Variants in RNF130 observed in about 807,000 individuals in gnomAD.
RNF130 encodes ring finger protein 130.
Under a neutral mutation model 44.6 loss-of-function variants are expected in RNF130, and 21 were observed. The observed-to-expected ratio is 0.47, with a 90% confidence interval of 0.33 to 0.68. RNF130 has a LOEUF of 0.68. Among genes scored for constraint, RNF130 ranks in the 30% least tolerant of loss-of-function variants. The pLI, the probability that RNF130 is intolerant of heterozygous loss-of-function variation, is 0.02. For synonymous variants in RNF130, 214 were observed against 210.4 expected, an observed-to-expected ratio of 1.02 and a Z score of -0.15; for missense variants, 479 against 560.6, an observed-to-expected ratio of 0.85 and a Z score of 1.47.
intron 7 of RNF130, chr5:179,939,767 A>G: frequency 2.4e-6 from 1 of 425,430 alleles, no homozygotes; most frequent in South Asian, 1.9e-5. Flanking sequence ...TCCCTTGGCG[A>G]CTCCTTTGAT....
rs549336123 is a variant in RNF130, at chr5:179,918,242, C to T, written c.*2075G>A. The T allele has an allele frequency of 2.6e-5, 4 of 152,242 alleles. 1 individual carries two copies. In the East Asian group the frequency reaches 5.8e-4, roughly 22 times the overall value. 9.4% of individuals were successfully genotyped at this position (152,242 alleles called of 1,614,324 possible). A position where few individuals can be genotyped will look rare whatever the true frequency, so the allele number is the denominator to read the frequency against. ...CTTGTTATTCTACCGTGAATGTGTG[C>T]CCCAGATTTCCCAGAAATTCAAATG... On this transcript the variant is annotated 3_prime_UTR_variant, in exon 8 of 8. Transcript: ENST00000522208.
At chr5:179,972,429 G>A (rs1034871094) in intron 5 of RNF130, among the ~76,000 whole-genome samples, 1 of 152,216 alleles carries the variant, frequency 6.6e-6, no homozygotes, top group African/African-American at 2.4e-5. Flanking sequence ...CAGGGTGGAC[G>A]ATGGGACTTG....
At chr5:179,998,034 G>GT (rs1055592749) in intron 3 of RNF130, among the ~76,000 whole-genome samples, 2 of 150,950 alleles carry the variant, frequency 1.3e-5, no homozygotes, top group African/African-American at 4.9e-5. Flanking sequence ...TAGAGACGGG[G>GT]TTTCACCATG....
chr5:179,988,708 T>A (rs1374970041), intron 3 of RNF130, among the ~76,000 whole-genome samples: 1 of 152,372 alleles, frequency 6.6e-6, no homozygotes, highest in East Asian at 1.9e-4. Flanking sequence ...GTTTCCAAAG[T>A]TCCTCTGGTT....
chr5:180,046,277 A>C (rs773872756), intron 1 of RNF130, among the ~76,000 whole-genome samples: 5 of 152,016 alleles, frequency 3.3e-5, no homozygotes, highest in Non-Finnish European at 5.9e-5. Flanking sequence ...CAGCCCAGAG[A>C]GGGGCTCCCA....
At chr5:179,992,204 C>T (rs901711526) in intron 3 of RNF130, among the ~76,000 whole-genome samples, 1 of 152,170 alleles carries the variant, frequency 6.6e-6, no homozygotes, top group Non-Finnish European at 1.5e-5. Context: ...TGCAGTGGCA[C>T]GATCTCGGCT....
intron 7 of RNF130, among the ~76,000 whole-genome samples, chr5:179,942,821 G>C (rs1398559825): frequency 1.3e-5 from 2 of 152,252 alleles, no homozygotes; most frequent in African/African-American, 4.8e-5. Flanking sequence ...TGCTGCTATG[G>C]GTGACATATT....
At chr5:179,914,824 G>A (rs1042215315) in exon 8 of RNF130, 3 of 152,192 alleles carry the variant, frequency 2.0e-5, no homozygotes, top group African/African-American at 7.2e-5. Flanking sequence ...GAGCCCAGGA[G>A]TTTGAGGCTA....
chr5:179,916,189 A>G (rs1467978833), exon 8 of RNF130: 1 of 152,170 alleles, frequency 6.6e-6, no homozygotes, highest in African/African-American at 2.4e-5. Flanking sequence ...CAATGCCTCA[A>G]TAATAAAGGT....
At chr5:180,022,370 C>T (rs77947924) in intron 2 of RNF130, among the ~76,000 whole-genome samples, 3,148 of 152,260 alleles carry the variant, frequency 0.021, 43 homozygotes, top group South Asian at 0.044. Flanking sequence ...CAGCTACTAA[C>T]GTTATTCATT....
chr5:180,028,531 C>T (rs1433987737), intron 2 of RNF130, among the ~76,000 whole-genome samples: 3 of 142,198 alleles, frequency 2.1e-5, no homozygotes, highest in East Asian at 2.0e-4. Context: ...ACAATGAATG[C>T]CTCCTACATG....
intron 1 of RNF130, among the ~76,000 whole-genome samples, chr5:180,059,581 C>T (rs1180116648): frequency 6.6e-6 from 1 of 152,138 alleles, no homozygotes; most frequent in African/African-American, 2.4e-5. Flanking sequence ...CTGCTGATAA[C>T]ATGCAAATGA....
At chr5:179,935,851 C>T (rs1761884810) in intron 7 of RNF130, among the ~76,000 whole-genome samples, 1 of 151,926 alleles carries the variant, frequency 6.6e-6, no homozygotes, top group Non-Finnish European at 1.5e-5. Context: ...TAAATGAGTA[C>T]TTTGACTCCT....
intron 1 of RNF130, among the ~76,000 whole-genome samples, chr5:180,050,627 CCCT>C (rs1303087770): frequency 6.6e-6 from 1 of 152,212 alleles, no homozygotes; most frequent in Non-Finnish European, 1.5e-5. Flanking sequence ...TGTTCCATTT[CCCT>C]CCTCCTTATT....
At chr5:179,969,673 C>CCTGAACAT (rs1203329356) in intron 6 of RNF130, among the ~76,000 whole-genome samples, 3 of 151,304 alleles carry the variant, frequency 2.0e-5, no homozygotes, top group Admixed American at 2.0e-4. Context: ...TTGAGACCCG[C>CCTGAACAT]CTGAACATCT....
intron 3 of RNF130, among the ~76,000 whole-genome samples, chr5:180,003,179 G>C (rs1358559443): frequency 6.6e-6 from 1 of 152,108 alleles, no homozygotes. Flanking sequence ...AGATTTAGCA[G>C]GTAAAACCGA....
At chr5:179,960,681 A>G (rs1031410747) in intron 8 of RNF130, among the ~76,000 whole-genome samples, 12 of 152,228 alleles carry the variant, frequency 7.9e-5, no homozygotes, top group African/African-American at 2.4e-4. Flanking sequence ...GACTAGTAAC[A>G]CTGCCAGAAA....
At chr5:180,038,563 GACT>G (rs1424672915) in intron 2 of RNF130, among the ~76,000 whole-genome samples, 1 of 152,004 alleles carries the variant, frequency 6.6e-6, no homozygotes, top group East Asian at 1.9e-4. Flanking sequence ...CCTAAATGTG[GACT>G]ACATTTCAAG....
chr5:179,931,490 C>T (rs1437659496), intron 7 of RNF130, among the ~76,000 whole-genome samples: 10 of 151,788 alleles, frequency 6.6e-5, no homozygotes, highest in Admixed American at 4.6e-4. Context: ...CAGTACAGGC[C>T]AGGCGCAGTG....
Sources: gnomAD v4.1 joint callset for allele counts (sites outside exome capture counted in the v4.1 genomes callset) on GRCh38, gnomAD v4.1.1 for gene constraint, MANE v1.5 for transcripts, NCBI Gene and HGNC (gene_info 2026-07-23, HGNC 2026-07-21) for gene names.